SLC35F1: variants seen among roughly 807,000 people sequenced by gnomAD.
SLC35F1 encodes solute carrier family 35 member F1.
In SLC35F1, 14 loss-of-function variants were observed where a neutral mutation model predicts 48.7. That is an observed-to-expected ratio of 0.29 (90% CI 0.19 to 0.45). SLC35F1 has a LOEUF of 0.45. SLC35F1 is among the 20% of genes least tolerant of loss of function. SLC35F1 has a pLI of 1.00. For synonymous variants in SLC35F1, 190 were observed against 202.2 expected, an observed-to-expected ratio of 0.94 and a Z score of 0.51; for missense variants, 404 against 500.0, an observed-to-expected ratio of 0.81 and a Z score of 1.83.
At chr6:118,006,369 C>T (rs1343674693) in intron 1 of SLC35F1, among the ~76,000 whole-genome samples, 1 of 152,104 alleles carries the variant, frequency 6.6e-6, no homozygotes, top group Non-Finnish European at 1.5e-5. Flanking sequence ...GTAATCCCAG[C>T]ACGTTGGGAA....
At chr6:118,194,086 T>C (rs1319552520) in intron 2 of SLC35F1, among the ~76,000 whole-genome samples, 1 of 152,162 alleles carries the variant, frequency 6.6e-6, no homozygotes, top group Non-Finnish European at 1.5e-5. Flanking sequence ...AACATATATA[T>C]AACTACACAG....
At position 117,950,731 on chromosome 6, in the gene SLC35F1, G is replaced by A. The variant is rs182152392; in HGVS notation, c.173+42832G>A. Among the ~76,000 whole-genome samples, 21 of 152,204 alleles carry A rather than the reference G, an allele frequency of 1.4e-4. No individual in the cohort carries two copies. In the East Asian group the frequency reaches 3.3e-3, roughly 24 times the overall value. ...ATATAGAGAAACCATCTGAAATAACGTTTACAATTTAAATGAGTATTGAAC... is the reference window on the plus strand; with the variant it reads ...ATATAGAGAAACCATCTGAAATAACATTTACAATTTAAATGAGTATTGAAC... On this transcript the variant is annotated intron_variant, in intron 1 of 7. Transcript: ENST00000360388.
intron 1 of SLC35F1, among the ~76,000 whole-genome samples, chr6:118,002,576 T>C (rs1777117495): frequency 6.6e-6 from 1 of 151,722 alleles, no homozygotes; most frequent in African/African-American, 2.4e-5. Flanking sequence ...ATTGTGCACA[T>C]GTACCCTAAA....
chr6:118,117,883 T>C (rs563380949), intron 1 of SLC35F1, among the ~76,000 whole-genome samples: 1 of 152,312 alleles, frequency 6.6e-6, no homozygotes, highest in South Asian at 2.1e-4. Flanking sequence ...TTTTTTTGAT[T>C]CATCCGTGTT....
At chr6:118,062,355 T>C (rs373484889) in intron 1 of SLC35F1, among the ~76,000 whole-genome samples, 2 of 152,316 alleles carry the variant, frequency 1.3e-5, no homozygotes. Context: ...AATTATTTCT[T>C]TTTTATTTGA....
At chr6:118,097,466 A>C (rs1206679161) in intron 1 of SLC35F1, among the ~76,000 whole-genome samples, 4 of 152,126 alleles carry the variant, frequency 2.6e-5, no homozygotes, top group African/African-American at 9.7e-5. Context: ...TTTTGAAGGA[A>C]GTTTCCAATC....
At chr6:118,237,005 C>A (rs1017474725) in intron 3 of SLC35F1, among the ~76,000 whole-genome samples, 3 of 152,064 alleles carry the variant, frequency 2.0e-5, no homozygotes, top group Non-Finnish European at 4.4e-5. Flanking sequence ...TCTTTTTCAT[C>A]CTCTCCAAGA....
At chr6:118,177,438 C>G (rs966103329) in intron 2 of SLC35F1, among the ~76,000 whole-genome samples, 1 of 152,072 alleles carries the variant, frequency 6.6e-6, no homozygotes, top group Admixed American at 6.6e-5. Context: ...TCCCACATAC[C>G]CTACAGTTAA....
chr6:118,125,378 G>T (rs764625979), intron 1 of SLC35F1, among the ~76,000 whole-genome samples: 1 of 52,338 alleles, frequency 1.9e-5, no homozygotes, highest in Non-Finnish European at 4.7e-5. Flanking sequence ...TGGTATTTTG[G>T]GGGGGGGGAT....
rs117416157 is a variant in SLC35F1 at position 117,930,468 on chromosome 6, A to T, written c.173+22569A>T. 4.6e-4 allele frequency among the ~76,000 whole-genome samples: 70 copies of T among 152,286 alleles called. 1 individual carries two copies. The East Asian group carries it at 9.8e-3, about 21-fold the overall frequency. ...TTTAGGGCTTGAAAGGAAAGCCCTA[A>T]ACTATCTAGAATTTAAATATGTACT... On this transcript the variant is annotated intron_variant, in intron 1 of 7. Coordinates refer to ENST00000360388, the MANE Select transcript of SLC35F1 (RefSeq NM_001029858.4).
At chr6:118,260,589 T>G (rs1775700240) in intron 3 of SLC35F1, among the ~76,000 whole-genome samples, 1 of 152,042 alleles carries the variant, frequency 6.6e-6, no homozygotes, top group Non-Finnish European at 1.5e-5. Context: ...CAACAAAAAA[T>G]TATTAAATAA....
chr6:118,278,834 T>C (rs1314963377), intron 6 of SLC35F1, among the ~76,000 whole-genome samples: 1 of 152,238 alleles, frequency 6.6e-6, no homozygotes, highest in Non-Finnish European at 1.5e-5. Flanking sequence ...AATTTTATAT[T>C]GATGGTAATA....
chr6:118,015,841 A>T (rs182756054), intron 1 of SLC35F1, among the ~76,000 whole-genome samples: 62 of 152,248 alleles, frequency 4.1e-4, no homozygotes, highest in Admixed American at 2.2e-3. Context: ...CCAGACTAAA[A>T]GCTCCTTAAG....
At chr6:117,966,148 C>CCT (rs376244300) in intron 1 of SLC35F1, among the ~76,000 whole-genome samples, 5 of 146,174 alleles carry the variant, frequency 3.4e-5, no homozygotes, top group African/African-American at 1.3e-4. Flanking sequence ...CCCCCACTCC[C>CCT]GCCCCGCCCC....
chr6:118,136,184 C>G (rs1358852018), intron 1 of SLC35F1, among the ~76,000 whole-genome samples: 1 of 152,142 alleles, frequency 6.6e-6, no homozygotes, highest in Non-Finnish European at 1.5e-5. Context: ...TTTTTTGCAA[C>G]CTTCCTCATG....
intron 3 of SLC35F1, among the ~76,000 whole-genome samples, chr6:118,244,271 A>T (rs1472167385): frequency 6.6e-6 from 1 of 152,252 alleles, no homozygotes; most frequent in Non-Finnish European, 1.5e-5. Flanking sequence ...TAACCCACAG[A>T]GTTCTTGGCT....
chr6:118,260,339 T>G (rs1483555204), intron 3 of SLC35F1, among the ~76,000 whole-genome samples: 4 of 152,136 alleles, frequency 2.6e-5, no homozygotes, highest in Non-Finnish European at 5.9e-5. Context: ...TAAAAACCAC[T>G]AATTGCATAC....
At position 118,314,055 on chromosome 6, in the gene SLC35F1, T is replaced by C; in HGVS notation, c.1030T>C (p.Phe344Leu). The C allele has an allele frequency of 6.2e-7, 1 of 1,614,202 alleles. No individual in the cohort carries two copies. The highest frequency in any genetic ancestry group is 8.5e-7 in the Non-Finnish European group (1 of 1,180,030). The change falls in exon 8 of 8, where the codon TTC becomes CTC. Residue 344 changes from phenylalanine (F) to leucine (L), a missense_variant. Transcript: ENST00000360388. ...TTCAGGACTTTATCTCCTGTCTTTC[T>C]TCACCATCCTCATTGGGCTGGTGCT... Reference protein sequence around the residue: ...KFSGLYLLSFFTILIGLVLYS... With the variant: ...KFSGLYLLSFLTILIGLVLYS...
intron 7 of SLC35F1, among the ~76,000 whole-genome samples, chr6:118,306,224 G>A (rs533571901): frequency 2.6e-5 from 4 of 152,228 alleles, no homozygotes; most frequent in South Asian, 4.2e-4. Flanking sequence ...TCTGTCTTCC[G>A]GCAGAAGCGT....
Sources: gnomAD v4.1 joint callset for allele counts (sites outside exome capture counted in the v4.1 genomes callset) on GRCh38, gnomAD v4.1.1 for gene constraint, MANE v1.5 for transcripts, NCBI Gene and HGNC (gene_info 2026-07-23, HGNC 2026-07-21) for gene names.